Variants in PRH1 observed in about 807,000 individuals in gnomAD.
PRH1 encodes the protein proline rich protein HaeIII subfamily 1.
PRH1 carries 7 observed loss-of-function variants against 7.9 expected under a neutral mutation model. The observed-to-expected ratio is 0.89, with a 90% CI of 0.50 to 1.67. PRH1 has a LOEUF of 1.67. PRH1 is among the 40% of genes most tolerant of loss of function. The pLI, the probability that PRH1 is intolerant of heterozygous loss-of-function variation, is 0.00. For missense variants in PRH1, 109 were observed against 223.6 expected (o/e 0.49, Z 3.27); for synonymous variants, 45 against 80.8 (o/e 0.56, Z 2.38).
intron 2 of PRH1, among the ~76,000 whole-genome samples, chr12:10,933,439 A>T (rs911816569): frequency 1.1e-4 from 16 of 152,090 alleles, no homozygotes; most frequent in Admixed American, 5.2e-4. Flanking sequence ...TTGAAAAAAA[A>T]TTTTTTGATA....
intron 1 of PRH1, among the ~76,000 whole-genome samples, chr12:11,079,847 A>G (rs1944440345): frequency 8.6e-6 from 1 of 116,938 alleles, no homozygotes; most frequent in Non-Finnish European, 2.0e-5. Context: ...AATGTATAAA[A>G]ATAGTGAATT....
chr12:10,928,883 T>A (rs551961392), intron 2 of PRH1, among the ~76,000 whole-genome samples: 31 of 152,192 alleles, frequency 2.0e-4, no homozygotes, highest in Middle Eastern at 3.4e-3. Flanking sequence ...CCACACAAAC[T>A]CACATACACA....
chr12:10,991,683 CA>C (rs35543791), intron 1 of PRH1, among the ~76,000 whole-genome samples: 1 of 151,816 alleles, frequency 6.6e-6, no homozygotes, highest in Non-Finnish European at 1.5e-5. Context: ...ATGAGATCAC[CA>C]AAAAAACCAG....
chr12:10,949,944 T>A (rs117730443), intron 2 of PRH1, among the ~76,000 whole-genome samples: 3,010 of 152,322 alleles, frequency 0.02, 34 homozygotes, highest in South Asian at 0.031. Flanking sequence ...TGTATTAAAA[T>A]ATATTTTTGC....
At chr12:10,904,874 A>G (rs1234029609) in intron 2 of PRH1, among the ~76,000 whole-genome samples, 1 of 152,148 alleles carries the variant, frequency 6.6e-6, no homozygotes, top group Admixed American at 6.6e-5. Context: ...AGACATGAAC[A>G]GGCACTTTTC....
intron 2 of PRH1, among the ~76,000 whole-genome samples, chr12:10,916,923 A>T (rs10772388): frequency 0.75 from 112,124 of 150,182 alleles, 41,693 homozygotes; most frequent in East Asian, 0.78. Flanking sequence ...ATAAAATAAA[A>T]AAAATAGCTG....
At chr12:10,971,678 C>T (rs919101226) in intron 2 of PRH1, among the ~76,000 whole-genome samples, 1 of 152,046 alleles carries the variant, frequency 6.6e-6, no homozygotes, top group Non-Finnish European at 1.5e-5. Context: ...TTAATTTATA[C>T]TTCTAGGAGC....
chr12:10,885,856 GC>G (rs1328827600), upstream of PRH1, among the ~76,000 whole-genome samples: 4 of 152,226 alleles, frequency 2.6e-5, no homozygotes, highest in Non-Finnish European at 5.9e-5. Flanking sequence ...AGACAGGTGT[GC>G]ATGAGTGGAT....
intron 2 of PRH1, among the ~76,000 whole-genome samples, chr12:10,903,477 C>T (rs1808241092): frequency 6.6e-6 from 1 of 151,876 alleles, no homozygotes; most frequent in Non-Finnish European, 1.5e-5. Context: ...CAAGGAAATT[C>T]TGGACTCTTG....
chr12:11,039,649 A>C (rs1430273004), intron 1 of PRH1, among the ~76,000 whole-genome samples: 1 of 152,274 alleles, frequency 6.6e-6, no homozygotes, highest in Admixed American at 6.5e-5. Flanking sequence ...TCACCAAAGT[A>C]GATTTATATT....
At chr12:11,072,086 T>C (rs80145671) in intron 1 of PRH1, among the ~76,000 whole-genome samples, 1 of 151,670 alleles carries the variant, frequency 6.6e-6, no homozygotes, top group Non-Finnish European at 1.5e-5. Flanking sequence ...TCCTGCCTCA[T>C]CCTTCTGTGT....
rs1348997967 is a variant in PRH1 at position 11,097,178 on chromosome 12, C to T, written n.124-49990G>A. The T allele has an allele frequency of 3.4e-5, 7 of 207,426 alleles. 3 individuals are homozygous for T. The highest frequency in any genetic ancestry group is 1.6e-4 in the African/African-American group (6 of 36,752). The allele number at this position is 207,426 out of a possible 1,614,324, so 12.8% of individuals were successfully genotyped here. A position where few individuals can be genotyped will look rare whatever the true frequency, so the allele number is the denominator to read the frequency against. ...ATATCAAATAGTAAAACATTACTTA[C>T]GAGTTTATCAACAAATGAAGGACAT... On this transcript the variant is annotated intron_variant and non_coding_transcript_variant, in intron 1 of 4. Transcript: ENST00000541977.
chr12:11,125,079 G>T (rs1371672123), intron 1 of PRH1, among the ~76,000 whole-genome samples: 1 of 152,164 alleles, frequency 6.6e-6, no homozygotes, highest in Non-Finnish European at 1.5e-5. Flanking sequence ...CTGACCTCAG[G>T]TGATCCACCA....
chr12:10,899,480 T>C (rs935234442), intron 2 of PRH1, among the ~76,000 whole-genome samples: 1 of 152,178 alleles, frequency 6.6e-6, no homozygotes, highest in Non-Finnish European at 1.5e-5. Context: ...CCATTTTCAA[T>C]GTAGTGAGTG....
intron 1 of PRH1, among the ~76,000 whole-genome samples, chr12:11,074,467 C>T (rs1366007744): frequency 7.3e-6 from 1 of 137,192 alleles, no homozygotes; most frequent in Non-Finnish European, 1.6e-5. Context: ...TCCATGAGGG[C>T]ATACTTTTGT....
intron 1 of PRH1, among the ~76,000 whole-genome samples, chr12:11,063,890 T>G (rs980046079): frequency 1.3e-5 from 2 of 152,134 alleles, no homozygotes; most frequent in African/African-American, 4.8e-5. Context: ...TGTATACAAA[T>G]AGTTTATTAT....
chr12:11,066,097 G>C (rs1297810584), intron 1 of PRH1, among the ~76,000 whole-genome samples: 1 of 151,848 alleles, frequency 6.6e-6, no homozygotes, highest in Non-Finnish European at 1.5e-5. Context: ...GAGTAAAACA[G>C]TACATACAAG....
chr12:11,160,169 A>G (rs1185978629), intron 1 of PRH1, among the ~76,000 whole-genome samples: 2 of 152,200 alleles, frequency 1.3e-5, no homozygotes, highest in Non-Finnish European at 1.5e-5. Flanking sequence ...TAGAAATAAC[A>G]TTTATTTCAG....
chr12:11,154,320 A>C (rs890798078), intron 1 of PRH1, among the ~76,000 whole-genome samples: 1 of 152,232 alleles, frequency 6.6e-6, no homozygotes, highest in African/African-American at 2.4e-5. Flanking sequence ...TTCATTGAAA[A>C]TAAACTGACA....
Sources: gnomAD v4.1 joint callset for allele counts (sites outside exome capture counted in the v4.1 genomes callset) on GRCh38, gnomAD v4.1.1 for gene constraint, MANE v1.5 for transcripts, NCBI Gene and HGNC (gene_info 2026-07-23, HGNC 2026-07-21) for gene names.